The following MAPRE2 variants were observed in gnomAD, a reference collection of about 807,000 sequenced individuals.
MAPRE2 encodes microtubule associated protein RP/EB family member 2.
A neutral mutation model predicts 43.2 loss-of-function variants in MAPRE2; 13 were observed. The observed-to-expected ratio is 0.30, with a 90% CI of 0.20 to 0.48. The LOEUF (loss-of-function observed/expected upper bound fraction) is 0.48, where lower values mean the gene tolerates loss of function less well. Ranked by LOEUF, MAPRE2 falls within the 20% of genes least tolerant of loss-of-function variation. MAPRE2 has a pLI of 0.99. For synonymous variants in MAPRE2, 135 were observed against 148.8 expected, an observed-to-expected ratio of 0.91 and a Z score of 0.68; for missense variants, 161 against 400.2, an observed-to-expected ratio of 0.40 and a Z score of 5.10.
chr18:35,077,506 A>G (rs1310924948), intron 2 of MAPRE2, among the ~76,000 whole-genome samples: 1 of 152,212 alleles, frequency 6.6e-6, no homozygotes, highest in Admixed American at 6.5e-5. Flanking sequence ...GAGCCTAGAG[A>G]TGAAAACTGT....
At chr18:34,993,142 T>C (rs1405305779) in intron 1 of MAPRE2, among the ~76,000 whole-genome samples, 2 of 152,172 alleles carry the variant, frequency 1.3e-5, no homozygotes, top group African/African-American at 4.8e-5. Context: ...GATCTCACTC[T>C]TGCTCAGATT....
At chr18:35,086,800 A>G (rs1603399552) in intron 2 of MAPRE2, among the ~76,000 whole-genome samples, 3 of 152,282 alleles carry the variant, frequency 2.0e-5, no homozygotes, top group East Asian at 3.9e-4. Flanking sequence ...TAATAAAAAT[A>G]CTTACCTCTT....
At chr18:35,138,129 A>T (rs1910470839) in intron 6 of MAPRE2, among the ~76,000 whole-genome samples, 1 of 152,232 alleles carries the variant, frequency 6.6e-6, no homozygotes, top group Non-Finnish European at 1.5e-5. Flanking sequence ...TGTGCCAGAC[A>T]GAAGGCAAAG....
intron 1 of MAPRE2, among the ~76,000 whole-genome samples, chr18:34,992,684 G>A: frequency 6.6e-6 from 1 of 152,164 alleles, no homozygotes; most frequent in East Asian, 1.9e-4. Flanking sequence ...AGGAAAACAT[G>A]CAGTTTTGAT....
intron 2 of MAPRE2, among the ~76,000 whole-genome samples, chr18:35,011,841 G>A (rs148063564): frequency 2.3e-4 from 35 of 152,308 alleles, no homozygotes; most frequent in Admixed American, 8.5e-4. Context: ...CACACAGTGA[G>A]TGCTTGCTAT....
intron 1 of MAPRE2, among the ~76,000 whole-genome samples, chr18:34,987,608 C>T (rs556130732): frequency 6.6e-6 from 1 of 152,122 alleles, no homozygotes; most frequent in Admixed American, 6.5e-5. Flanking sequence ...ATATAAAATT[C>T]CTAAATGGCC....
chr18:35,009,332 C>T (rs1430604300), intron 2 of MAPRE2, among the ~76,000 whole-genome samples: 1 of 151,968 alleles, frequency 6.6e-6, no homozygotes, highest in Non-Finnish European at 1.5e-5. Context: ...ATGGTAAAAG[C>T]TAGGGATATA....
Position 35,026,416 on chromosome 18 carries a change from A to G in MAPRE2, c.-8+20863A>G, listed in dbSNP as rs138724804. On this transcript the variant is annotated intron_variant, in intron 2 of 7. Transcript: ENST00000413393. ...GTGCATGCCTCTGACCTGCTTATTCAGCAAGTGAGAGAATGCAGCGATGAA... is the reference window on the plus strand; with the variant it reads ...GTGCATGCCTCTGACCTGCTTATTCGGCAAGTGAGAGAATGCAGCGATGAA... 4.7e-3 allele frequency among the ~76,000 whole-genome samples: 721 copies of G among 152,302 alleles called. 17 individuals are homozygous for G. The highest frequency in any genetic ancestry group is 0.026 in the Admixed American group (405 of 15,302).
chr18:35,099,794 T>C (rs2144174517), intron 3 of MAPRE2, among the ~76,000 whole-genome samples: 1 of 152,300 alleles, frequency 6.6e-6, no homozygotes, highest in South Asian at 2.1e-4. Context: ...GATTCCCTTC[T>C]CTTTATTTTG....
chr18:35,049,033 A>G (rs1476122794), intron 1 of MAPRE2, among the ~76,000 whole-genome samples: 2 of 152,148 alleles, frequency 1.3e-5, no homozygotes, highest in South Asian at 2.1e-4. Flanking sequence ...CATTTTTCAT[A>G]GAAGTAATAC....
In MAPRE2 at chr18:35,080,493, A is replaced by G. The variant is rs373495556; in HGVS notation, c.250+10171A>G. On this transcript the variant is annotated intron_variant, in intron 2 of 6. Transcript: ENST00000300249. ...AGGTACACGTCCAGCCTGTCTTGCC[A>G]TCATTCAGTGTAGGGCACTAATGGG... Among the ~76,000 whole-genome samples the G allele has an allele frequency of 1.2e-4, 19 of 152,348 alleles. No individual in the cohort carries two copies. In the South Asian group the frequency reaches 1.4e-3, roughly 12 times the overall value.
intron 2 of MAPRE2, among the ~76,000 whole-genome samples, chr18:35,024,829 T>C (rs757210974): frequency 1.1e-4 from 17 of 152,216 alleles, no homozygotes; most frequent in Non-Finnish European, 2.4e-4. Flanking sequence ...AGGGGACTGA[T>C]TCTTTAATTC....
At chr18:35,048,205 G>A (rs894058504) in intron 1 of MAPRE2, among the ~76,000 whole-genome samples, 1 of 152,012 alleles carries the variant, frequency 6.6e-6, no homozygotes, top group South Asian at 2.1e-4. Context: ...TGGAGGGGGA[G>A]GTGCCACACA....
At chr18:35,089,954 GA>G (rs552123797) in intron 2 of MAPRE2, among the ~76,000 whole-genome samples, 3 of 151,840 alleles carry the variant, frequency 2.0e-5, no homozygotes, top group Non-Finnish European at 4.4e-5. Flanking sequence ...TTGCTGTAAA[GA>G]AAAAAAATGA....
chr18:35,122,570 T>C (rs534186738), intron 4 of MAPRE2, among the ~76,000 whole-genome samples: 2 of 152,368 alleles, frequency 1.3e-5, no homozygotes, highest in Non-Finnish European at 2.9e-5. Flanking sequence ...GATTATTAAA[T>C]GTTTAGAATT....
chr18:35,112,213 C>T (rs1191664692), intron 4 of MAPRE2, among the ~76,000 whole-genome samples: 1 of 144,830 alleles, frequency 6.9e-6, no homozygotes, highest in African/African-American at 2.6e-5. Flanking sequence ...GACGGAGTTT[C>T]ACTGTTATTG....
intron 4 of MAPRE2, among the ~76,000 whole-genome samples, chr18:35,118,959 A>G (rs914523829): frequency 4.6e-5 from 7 of 152,054 alleles, no homozygotes; most frequent in Non-Finnish European, 8.8e-5. Flanking sequence ...ACTTACTGTG[A>G]GAGACCTTGA....
chr18:35,134,157 G>A (rs867743904), intron 6 of MAPRE2, among the ~76,000 whole-genome samples: 26 of 152,280 alleles, frequency 1.7e-4, no homozygotes, highest in Admixed American at 3.9e-4. Flanking sequence ...AATCCTATTA[G>A]GTAGCTATTG....
chr18:35,015,754 A>G (rs952421380), intron 2 of MAPRE2, among the ~76,000 whole-genome samples: 3 of 151,842 alleles, frequency 2.0e-5, no homozygotes, highest in Non-Finnish European at 4.4e-5. Flanking sequence ...AAAAATTCAG[A>G]ACAAACCCCA....
Sources: allele counts gnomAD v4.1 joint callset (sites outside exome capture counted in the v4.1 genomes callset), GRCh38; gene constraint gnomAD v4.1.1; transcripts MANE v1.5; gene names NCBI Gene and HGNC (gene_info 2026-07-23, HGNC 2026-07-21).